SERPINB6: variants seen among roughly 807,000 people sequenced by gnomAD.
SERPINB6 encodes the protein serpin B6.
Under a neutral mutation model 26.1 loss-of-function variants are expected in SERPINB6, and 16 were observed. That is an observed-to-expected ratio of 0.61 (90% CI 0.42 to 0.93). The LOEUF is 0.93. SERPINB6 is among the 40% of genes least tolerant of loss of function. The pLI, the probability that SERPINB6 is intolerant of heterozygous loss-of-function variation, is 0.00. For missense variants in SERPINB6, 420 were observed against 478.0 expected (o/e 0.88, Z 1.13); for synonymous variants, 174 against 176.6 (o/e 0.99, Z 0.11).
intron 1 of SERPINB6, chr6:2,966,879 T>A: frequency 1.1e-6 from 1 of 933,082 alleles, no homozygotes; most frequent in Non-Finnish European, 1.3e-6. Context: ...GGTCCCAAAC[T>A]CCCGGCCTCA....
chr6:2,951,388 G>GA (rs367951075), intron 5 of SERPINB6, among the ~76,000 whole-genome samples: 60 of 86,322 alleles, frequency 7.0e-4, no homozygotes, highest in East Asian at 1.4e-3. Flanking sequence ...CTCTGTCTTG[G>GA]AAAAAATAAA....
intron 3 of SERPINB6, chr6:2,955,299 T>C: frequency 1.8e-6 from 1 of 566,396 alleles, no homozygotes; most frequent in Non-Finnish European, 3.1e-6. Flanking sequence ...CAGCCATGCA[T>C]CAAGGAGCTG....
At chr6:2,955,237 C>T (rs1770318500) in intron 3 of SERPINB6, 1 of 389,172 alleles carries the variant, frequency 2.6e-6, no homozygotes, top group Non-Finnish European at 4.7e-6. Context: ...TAAGTTGAAT[C>T]AGTCTCTGAA....
In SERPINB6 at chr6:2,953,868, A is replaced by T. The variant is rs1770105629; in HGVS notation, c.431-682T>A. 7.2e-5 allele frequency among the ~76,000 whole-genome samples: 11 copies of T among 151,984 alleles called. No homozygotes were observed. In the South Asian group the frequency reaches 2.3e-3, roughly 32 times the overall value. ...ACATGGTGAAAACCTGTCTCTACTA[A>T]AAAATACAAAAATTAGCAGGGCATG... On this transcript the variant is annotated intron_variant, in intron 4 of 6. Coordinates refer to ENST00000380539, the MANE Select transcript of SERPINB6 (RefSeq NM_004568.6).
In SERPINB6 at chr6:2,953,080, C is replaced by G; in HGVS notation, c.537G>C (p.Lys179Asn). The G allele has an allele frequency of 1.2e-6, 2 of 1,614,254 alleles. No individual in the cohort carries two copies. The highest frequency in any genetic ancestry group is 1.7e-6 in the Non-Finnish European group (2 of 1,180,046). The change falls in exon 5 of 7, where the codon AAG (lysine) becomes AAC (asparagine). Residue 179 changes from lysine (K) to asparagine (N), a missense_variant. Lys to Asn is a moderately conservative substitution (Grantham distance 94). Transcript: ENST00000380539. ...TAAACAGTCTCTCCTCGGTGTTCTC[C>G]TTGTCAAACTGTTCATCCCAGTTTC... Reference protein sequence around the residue: ...FRGNWDEQFDKENTEERLFKV... With the variant: ...FRGNWDEQFDNENTEERLFKV...
intron 1 of SERPINB6, chr6:2,968,397 C>G (rs1029159113): frequency 1.4e-6 from 1 of 715,360 alleles, no homozygotes; most frequent in Non-Finnish European, 1.7e-6. Context: ...CAACAACCTG[C>G]GACATGAGTT....
upstream of SERPINB6, chr6:2,971,766 G>C (rs925286510): frequency 6.6e-6 from 1 of 152,294 alleles, no homozygotes; most frequent in Non-Finnish European, 1.5e-5. Context: ...GGCCCCACCA[G>C]CGTGTTTATG....
chr6:2,957,228 C>G (rs1403742818), intron 2 of SERPINB6: 2 of 152,316 alleles, frequency 1.3e-5, no homozygotes, highest in African/African-American at 4.8e-5. Context: ...GGATGGAGTG[C>G]CTCCCCCGGG....
chr6:2,970,068 AAAAAAAAAAT>A, intron 1 of SERPINB6: 1 of 984,968 alleles, frequency 1.0e-6, no homozygotes, highest in Non-Finnish European at 1.2e-6. Context: ...AAAAAAAAAA[AAAAAAAAAAT>A]TTTCTTTCTT....
chr6:2,950,505 C>A (rs949631485), intron 5 of SERPINB6, among the ~76,000 whole-genome samples: 10 of 146,692 alleles, frequency 6.8e-5, no homozygotes, highest in African/African-American at 2.5e-4. Context: ...TGCACTCCAG[C>A]CTGGGAGACA....
intron 1 of SERPINB6, 136 bp from the exon 2 acceptor site, chr6:2,959,478 CT>C: frequency 2.4e-6 from 2 of 825,078 alleles, no homozygotes; most frequent in Non-Finnish European, 2.0e-6. Context: ...CTGGCTGTTT[CT>C]TTTTAGGACC....
At chr6:2,962,627 T>A (rs933461015) in intron 1 of SERPINB6, among the ~76,000 whole-genome samples, 3 of 152,222 alleles carry the variant, frequency 2.0e-5, no homozygotes, top group Non-Finnish European at 4.4e-5. Flanking sequence ...AGGTCAGTAA[T>A]GATATTCCAT....
chr6:2,949,171 C>A, intron 5 of SERPINB6, 102 bp from the exon 6 acceptor site: 1 of 1,288,204 alleles, frequency 7.8e-7, no homozygotes, highest in Non-Finnish European at 1.1e-6. Context: ...AAACGCAGCT[C>A]GGTTTCTCCC....
In SERPINB6 at chr6:2,949,835, C is replaced by T. The variant is rs143209619; in HGVS notation, c.574-766G>A. The stretch of plus-strand genomic sequence containing the variant: ...AAAGCCTGGAATTGTGATAAGAGCT[C>T]GTCCCCAGTTCCCTCTCCCTTTGCT... On this transcript the variant is annotated intron_variant, in intron 5 of 6. Coordinates refer to ENST00000380539, the MANE Select transcript of SERPINB6 (RefSeq NM_004568.6). Among the ~76,000 whole-genome samples the T allele has an allele frequency of 2.4e-4, 36 of 152,278 alleles. No homozygotes were observed. The East Asian group carries it at 3.7e-3, about 16-fold the overall frequency.
intron 5 of SERPINB6, 107 bp from the exon 6 acceptor site, chr6:2,949,176 T>C (rs1190315784): frequency 7.9e-7 from 1 of 1,257,942 alleles, no homozygotes; most frequent in East Asian, 2.5e-5. Context: ...CAGCTCGGTT[T>C]CTCCCCAGCT....
chr6:2,966,296 T>C (rs891018213), intron 1 of SERPINB6: 2 of 937,534 alleles, frequency 2.1e-6, no homozygotes, highest in Admixed American at 6.2e-5. Context: ...TTGGGCTTTT[T>C]ACAAACAATA....
At position 2,948,714 on chromosome 6, in the gene SERPINB6, T is replaced by G. The variant is rs540072895; in HGVS notation, c.730-15A>C. The G allele has an allele frequency of 6.2e-7, 1 of 1,613,436 alleles. No individual in the cohort carries two copies. The highest frequency in any genetic ancestry group is 1.3e-5 in the African/African-American group (1 of 75,044). On this transcript the variant is annotated splice_polypyrimidine_tract_variant and intron_variant, in intron 6 of 6. Transcript: ENST00000380539. The surrounding 1 kb of genome is among the most constrained non-coding windows in gnomAD (Gnocchi z 5.0). The stretch of plus-strand genomic sequence containing the variant: ...TCTTTCTCCACCTAGAGGGAGACAG[T>G]TGAAGACTTTAAGACCCAGGGTGCT...
Position 2,948,216 on chromosome 6 carries a change from T to C in SERPINB6, c.*82A>G. The C allele has an allele frequency of 6.5e-7, 1 of 1,547,626 alleles. No individual in the cohort carries two copies. Among genetic ancestry groups the C allele is most frequent in the South Asian group, 1.1e-5 (1 of 89,398 alleles). ...TTCTGAACTGCCACCACTGCACGGATAAGGCCACTTGGGTTGCAGGCACAC... is the reference window on the plus strand; with the variant it reads ...TTCTGAACTGCCACCACTGCACGGACAAGGCCACTTGGGTTGCAGGCACAC... On this transcript the variant is annotated 3_prime_UTR_variant, in exon 7 of 7. Transcript: ENST00000380539. This position sits in a 1 kb window ranked among gnomAD's most constrained non-coding sequence, Gnocchi z 5.0.
At chr6:2,969,272 C>T (rs1771915166) in intron 1 of SERPINB6, 1 of 985,416 alleles carries the variant, frequency 1.0e-6, no homozygotes, top group South Asian at 4.7e-5. Flanking sequence ...ACGTTGCAAA[C>T]TCAAGACCTG....
Sources: allele counts gnomAD v4.1 joint callset (sites outside exome capture counted in the v4.1 genomes callset), GRCh38; gene constraint gnomAD v4.1.1; non-coding constraint Gnocchi (gnomAD v3.1); transcripts MANE v1.5; gene names NCBI Gene and HGNC (gene_info 2026-07-23, HGNC 2026-07-21).